Variants in C6orf118 observed in about 807,000 individuals in gnomAD.
C6orf118 encodes chromosome 6 open reading frame 118.
A neutral mutation model predicts 50.2 loss-of-function variants in C6orf118; 50 were observed. The ratio of observed to expected loss-of-function variants is 1.00; its 90% CI spans 0.79 to 1.26. The LOEUF (loss-of-function observed/expected upper bound fraction) is 1.26. Ranked by LOEUF, C6orf118 falls within the 50% of genes most tolerant of loss-of-function variation. The probability of loss-of-function intolerance (pLI) is 0.00; values close to 1 mark genes in which losing one functional copy is unlikely to be tolerated. For missense variants in C6orf118, 641 were observed against 578.7 expected (o/e 1.11, Z -1.10); for synonymous variants, 239 against 230.9 (o/e 1.03, Z -0.32).
At chr6:165,295,227 A>T (rs914659977) in intron 5 of C6orf118, among the ~76,000 whole-genome samples, 1 of 151,982 alleles carries the variant, frequency 6.6e-6, no homozygotes, top group African/African-American at 2.4e-5. Flanking sequence ...TTTAGTCTTG[A>T]CCTATGATAT....
At chr6:165,294,272 A>AAAAAAAAAAC (rs1562328693) in intron 5 of C6orf118, among the ~76,000 whole-genome samples, 1 of 145,106 alleles carries the variant, frequency 6.9e-6, no homozygotes, top group Non-Finnish European at 1.5e-5. Flanking sequence ...AAAAAACAAA[A>AAAAAAAAAAC]AAAAAAAAAG....
chr6:165,282,192 C>T (rs963974540), intron 7 of C6orf118, among the ~76,000 whole-genome samples: 3 of 151,590 alleles, frequency 2.0e-5, no homozygotes, highest in Non-Finnish European at 4.4e-5. Context: ...TAAAATAATC[C>T]CAGATAGGAG....
rs1780050747 is a variant in C6orf118 at position 165,289,983 on chromosome 6, T to C, written c.1205A>G (p.Lys402Arg). Residue 402 changes from lysine (K) to arginine (R), a missense_variant, in exon 7 of 9, where the codon AAG becomes AGG. Lys to Arg is a conservative substitution (Grantham distance 26). Coordinates refer to ENST00000230301, the MANE Select transcript of C6orf118 (RefSeq NM_144980.4). Reference protein sequence around the residue: ...VEKKRCEILSKWDEIQALEKE... With the variant: ...VEKKRCEILSRWDEIQALEKE... The stretch of plus-strand genomic sequence containing the variant: ...TTCCAGAGCTTGTATCTCATCCCAC[T>C]TACTGAGTATTTCACACCTCTTCTT... 6.2e-7 allele frequency: 1 copy of C among 1,611,146 alleles called. No individual in the cohort carries two copies. Among genetic ancestry groups the C allele is most frequent in the African/African-American group, 1.3e-5 (1 of 74,864 alleles).
chr6:165,293,302 G>C (rs1398725476), intron 6 of C6orf118, 111 bp downstream of exon 6: 2 of 963,552 alleles, frequency 2.1e-6, no homozygotes, highest in South Asian at 2.6e-5. Flanking sequence ...AAAACTCAGA[G>C]GGAGCATCAG....
At chr6:165,286,745 C>CA (rs1446706391) in intron 7 of C6orf118, among the ~76,000 whole-genome samples, 1 of 151,988 alleles carries the variant, frequency 6.6e-6, no homozygotes, top group African/African-American at 2.4e-5. Flanking sequence ...TTAAAACTCT[C>CA]AAAAAAACTA....
rs1780675561 is a variant in C6orf118, at chr6:165,305,062, A to T, written c.26-2766T>A. Among the ~76,000 whole-genome samples the T allele has an allele frequency of 2.5e-5, 2 of 79,270 alleles. 1 individual carries two copies. The allele number at this position is 79,270 out of a possible 152,430, so 52.0% of individuals were successfully genotyped here. On this transcript the variant is annotated intron_variant, in intron 1 of 8. Coordinates refer to ENST00000230301, the MANE Select transcript of C6orf118 (RefSeq NM_144980.4). ...AAAGCTGGAGGCATCACACTCCCTG[A>T]CTTCAAACTATACTACAAGGCTACA...
At chr6:165,292,686 A>G (rs2128159617) in intron 6 of C6orf118, among the ~76,000 whole-genome samples, 1 of 152,294 alleles carries the variant, frequency 6.6e-6, no homozygotes, top group South Asian at 2.1e-4. Context: ...AGCCCTGAGA[A>G]GGGATGGAAG....
intron 7 of C6orf118, among the ~76,000 whole-genome samples, chr6:165,284,591 T>C (rs1158289251): frequency 6.6e-6 from 1 of 152,042 alleles, no homozygotes; most frequent in Non-Finnish European, 1.5e-5. Context: ...CCAGGTCACC[T>C]AGAAAGGGAA....
intron 5 of C6orf118, among the ~76,000 whole-genome samples, chr6:165,294,275 A>C (rs1348314627): frequency 6.6e-6 from 1 of 151,432 alleles, no homozygotes; most frequent in Non-Finnish European, 1.5e-5. Context: ...AAACAAAAAA[A>C]AAAAAAGTAA....
In C6orf118 at chr6:165,300,481, G is replaced by A; in HGVS notation, c.759C>T (p.Leu253=). The change falls in exon 3 of 9, where the codon CTC becomes CTT. Residue 253 remains leucine, a synonymous_variant. Coordinates refer to ENST00000230301, the MANE Select transcript of C6orf118 (RefSeq NM_144980.4). Reference sequence around the variant, plus strand: ...GGGGGCTGCACGTGCAAATTTTCTGGAGCTCCTGGAGGAAAAACAGAGTCA... The same window carrying A: ...GGGGGCTGCACGTGCAAATTTTCTGAAGCTCCTGGAGGAAAAACAGAGTCA... The part of the protein sequence containing the change: ...AGHERKLQQE[L]QKICTCSPQQ... 7 of 1,608,436 alleles carry A rather than the reference G, an allele frequency of 4.4e-6. No individual in the cohort carries two copies. Among genetic ancestry groups the A allele is most frequent in the Non-Finnish European group, 5.1e-6 (6 of 1,177,684 alleles).
At chr6:165,294,716 G>C (rs990495832) in intron 5 of C6orf118, among the ~76,000 whole-genome samples, 1 of 151,918 alleles carries the variant, frequency 6.6e-6, no homozygotes, top group African/African-American at 2.4e-5. Context: ...TGAAACCCCA[G>C]CTCTACTTAA....
chr6:165,281,544 G>A, intron 8 of C6orf118, 96 bp downstream of exon 8: 1 of 1,430,068 alleles, frequency 7.0e-7, no homozygotes, highest in Non-Finnish European at 9.2e-7. Flanking sequence ...AACCTACAAA[G>A]AATTACGATC....
At chr6:165,287,451 A>G (rs897077750) in intron 7 of C6orf118, among the ~76,000 whole-genome samples, 2 of 152,224 alleles carry the variant, frequency 1.3e-5, no homozygotes, top group South Asian at 2.1e-4. Flanking sequence ...TCATATGGAA[A>G]CAAAAAAGAT....
At chr6:165,286,305 A>G (rs1174485183) in intron 7 of C6orf118, among the ~76,000 whole-genome samples, 1 of 152,058 alleles carries the variant, frequency 6.6e-6, no homozygotes, top group Non-Finnish European at 1.5e-5. Flanking sequence ...AATTTTTTTT[A>G]AAAAGCCCAG....
intron 2 of C6orf118, among the ~76,000 whole-genome samples, 167 bp downstream of exon 2, chr6:165,301,402 A>C (rs574076145): frequency 3.0e-5 from 2 of 66,938 alleles, no homozygotes; most frequent in Middle Eastern, 8.9e-3. Flanking sequence ...AGCACTGCAC[A>C]GAGAGCACTG....
intron 1 of C6orf118, among the ~76,000 whole-genome samples, chr6:165,302,713 G>A (rs1182129950): frequency 6.6e-6 from 1 of 151,974 alleles, no homozygotes; most frequent in South Asian, 2.1e-4. Flanking sequence ...GGGTTTGGGG[G>A]GTATTCTCAC....
intron 1 of C6orf118, among the ~76,000 whole-genome samples, 198 bp downstream of exon 1, chr6:165,309,364 C>G (rs1366975444): frequency 2.6e-5 from 4 of 152,390 alleles, no homozygotes; most frequent in African/African-American, 9.6e-5. Context: ...CACCTCTGTG[C>G]TTTGCGCGCT....
At chr6:165,299,998 G>A (rs1009813855) in intron 3 of C6orf118, among the ~76,000 whole-genome samples, 2 of 152,140 alleles carry the variant, frequency 1.3e-5, no homozygotes, top group Non-Finnish European at 2.9e-5. Context: ...CTTTCATCAT[G>A]AAATTGCAAC....
At chr6:165,281,953 G>T in intron 7 of C6orf118, 1 of 247,518 alleles carries the variant, frequency 4.0e-6, no homozygotes, top group Non-Finnish European at 7.7e-6. Flanking sequence ...GGAAATTCCA[G>T]AAGTGAAGGG....
Sources: gnomAD v4.1 joint callset for allele counts (sites outside exome capture counted in the v4.1 genomes callset) on GRCh38, gnomAD v4.1.1 for gene constraint, MANE v1.5 for transcripts, NCBI Gene and HGNC (gene_info 2026-07-23, HGNC 2026-07-21) for gene names.